Variants in LRRIQ1 observed in about 807,000 individuals in gnomAD.
The protein encoded by LRRIQ1 is leucine-rich repeat- and IQ domain-containing protein 1.
A neutral mutation model predicts 211.9 loss-of-function variants in LRRIQ1; 210 were observed. The observed-to-expected ratio is 0.99, with a 90% CI of 0.89 to 1.11. The LOEUF (loss-of-function observed/expected upper bound fraction) is 1.11, where lower values mean the gene tolerates loss of function less well. Among genes scored for constraint, LRRIQ1 ranks in the 50% most tolerant of loss-of-function variants. LRRIQ1 has a pLI of 0.00. For synonymous variants in LRRIQ1, 699 were observed against 650.1 expected (o/e 1.08, Z -1.14); for missense variants, 2,136 against 1,939.5 (o/e 1.10, Z -1.90).
chr12:85,165,035 T>C (rs1034761501), intron 24 of LRRIQ1, among the ~76,000 whole-genome samples: 11 of 152,184 alleles, frequency 7.2e-5, no homozygotes, highest in African/African-American at 2.7e-4. Context: ...TTGTGACCTA[T>C]AGTTAGCTGC....
At chr12:85,258,481 C>T (rs1896188943) in intron 1 of LRRIQ1, among the ~76,000 whole-genome samples, 2 of 151,720 alleles carry the variant, frequency 1.3e-5, no homozygotes, top group Admixed American at 1.3e-4. Context: ...GTATAAACAA[C>T]CTGTTCAATA....
At chr12:85,083,352 A>G (rs1884489145) in intron 11 of LRRIQ1, among the ~76,000 whole-genome samples, 2 of 152,128 alleles carry the variant, frequency 1.3e-5, no homozygotes, top group African/African-American at 4.8e-5. Flanking sequence ...TCTAAAAAAG[A>G]TGACTTTTTA....
At chr12:85,156,365 G>A (rs1160778693) in intron 23 of LRRIQ1, among the ~76,000 whole-genome samples, 1 of 151,600 alleles carries the variant, frequency 6.6e-6, no homozygotes, top group African/African-American at 2.4e-5. Flanking sequence ...GAGGATTAAT[G>A]GTGAAAAGCA....
At chr12:85,192,665 ATAGTTATATACTAT>A (rs1565894295) in intron 24 of LRRIQ1, among the ~76,000 whole-genome samples, 5 of 85,114 alleles carry the variant, frequency 5.9e-5, no homozygotes, top group East Asian at 6.6e-4. Flanking sequence ...TTATAAATAT[ATAGTTATATACTAT>A]AATTATATAT....
intron 24 of LRRIQ1, among the ~76,000 whole-genome samples, chr12:85,175,651 A>C (rs921923855): frequency 5.3e-4 from 80 of 152,098 alleles, no homozygotes; most frequent in Non-Finnish European, 9.6e-4. Flanking sequence ...CTAATGTTTA[A>C]GTCTTTAATC....
intron 11 of LRRIQ1, among the ~76,000 whole-genome samples, chr12:85,074,765 T>C (rs1018289251): frequency 2.6e-5 from 4 of 152,220 alleles, no homozygotes; most frequent in African/African-American, 9.6e-5. Context: ...GCAAAAAATA[T>C]ATTGAATGAA....
chr12:85,094,666 T>A (rs1885708032), intron 11 of LRRIQ1, among the ~76,000 whole-genome samples: 1 of 152,158 alleles, frequency 6.6e-6, no homozygotes, highest in Admixed American at 6.6e-5. Context: ...TGTTGGTAGT[T>A]TGGTAGAAAT....
intron 11 of LRRIQ1, among the ~76,000 whole-genome samples, chr12:85,091,668 G>C (rs1885406344): frequency 6.6e-6 from 1 of 152,104 alleles, no homozygotes; most frequent in Non-Finnish European, 1.5e-5. Flanking sequence ...TCTTGAGTTA[G>C]TTTTTGTATA....
chr12:85,252,500 T>C (rs1044582104), intron 1 of LRRIQ1, among the ~76,000 whole-genome samples: 10 of 151,896 alleles, frequency 6.6e-5, no homozygotes, highest in African/African-American at 2.4e-4. Flanking sequence ...TTTATACAAG[T>C]ATGAAATGTT....
At chr12:85,243,317 TTA>T (rs1491232829) in intron 26 of LRRIQ1, among the ~76,000 whole-genome samples, 1 of 88,498 alleles carries the variant, frequency 1.1e-5, no homozygotes, top group African/African-American at 1.2e-4. Flanking sequence ...ATAACTTTTA[TTA>T]TTATTATTAT....
At chr12:85,138,106 C>A (rs974717881) in intron 19 of LRRIQ1, 137 bp downstream of exon 19, 21 of 551,562 alleles carry the variant, frequency 3.8e-5, no homozygotes, top group Admixed American at 7.4e-5. Flanking sequence ...GAAACTTTTC[C>A]TAACATCATC....
At chr12:85,081,723 C>CTTTTTTTTTTTTTTTT (rs766961193) in intron 11 of LRRIQ1, among the ~76,000 whole-genome samples, 1 of 113,440 alleles carries the variant, frequency 8.8e-6, no homozygotes, top group Non-Finnish European at 1.7e-5. Flanking sequence ...TCTTCTTCTT[C>CTTTTTTTTTTTTTTTT]TTTTTTTTTT....
intron 19 of LRRIQ1, 96 bp downstream of exon 19, chr12:85,138,065 A>C: frequency 1.4e-6 from 1 of 717,082 alleles, no homozygotes; most frequent in Non-Finnish European, 2.2e-6. Context: ...TATCCTATTA[A>C]TATTGTTACA....
chr12:85,118,209 A>G (rs1038020600), intron 15 of LRRIQ1, among the ~76,000 whole-genome samples: 1 of 152,162 alleles, frequency 6.6e-6, no homozygotes, highest in African/African-American at 2.4e-5. Context: ...CAAATAGGGT[A>G]GTTTATGATT....
At chr12:85,094,472 C>A (rs567400932) in intron 11 of LRRIQ1, among the ~76,000 whole-genome samples, 2 of 152,162 alleles carry the variant, frequency 1.3e-5, no homozygotes, top group Admixed American at 1.3e-4. Flanking sequence ...TCCCATTGGT[C>A]TATTTGTTTT....
At chr12:85,259,088 A>C (rs1371424911) in intron 1 of LRRIQ1, among the ~76,000 whole-genome samples, 1 of 152,078 alleles carries the variant, frequency 6.6e-6, no homozygotes, top group Non-Finnish European at 1.5e-5. Flanking sequence ...AATAGAGCAT[A>C]ATCATCAAGA....
chr12:85,106,288 A>G (rs1346590556), intron 14 of LRRIQ1, among the ~76,000 whole-genome samples: 1 of 152,210 alleles, frequency 6.6e-6, no homozygotes, highest in Non-Finnish European at 1.5e-5. Flanking sequence ...ATGAACCCGA[A>G]TTGTAAAGCA....
intron 24 of LRRIQ1, among the ~76,000 whole-genome samples, chr12:85,183,439 T>A (rs752572474): frequency 1.3e-4 from 20 of 152,132 alleles, no homozygotes; most frequent in Non-Finnish European, 2.2e-4. Context: ...ACTAAACTGA[T>A]CTTATGCCAA....
chr12:85,178,801 A>C (rs1483965066), intron 24 of LRRIQ1, among the ~76,000 whole-genome samples: 1 of 151,788 alleles, frequency 6.6e-6, no homozygotes, highest in Non-Finnish European at 1.5e-5. Context: ...CAAAACACAT[A>C]TTTACTTACT....
Sources: gnomAD v4.1 joint callset for allele counts (sites outside exome capture counted in the v4.1 genomes callset) on GRCh38, gnomAD v4.1.1 for gene constraint, MANE v1.5 for transcripts, NCBI Gene and HGNC (gene_info 2026-07-23, HGNC 2026-07-21) for gene names.